The following PURG variants were observed in gnomAD, a reference collection of about 807,000 sequenced individuals.
PURG encodes the protein purine-rich element-binding protein gamma.
Under a neutral mutation model 24.3 loss-of-function variants are expected in PURG, and 3 were observed. That is an observed-to-expected ratio of 0.12 (90% CI 0.06 to 0.32). The LOEUF (loss-of-function observed/expected upper bound fraction) is 0.32, where lower values mean the gene tolerates loss of function less well. PURG is among the 10% of genes least tolerant of loss of function. The pLI, the probability that PURG is intolerant of heterozygous loss-of-function variation, is 1.00. For synonymous variants in PURG, 180 were observed against 173.1 expected, an observed-to-expected ratio of 1.04 and a Z score of -0.31; for missense variants, 371 against 439.1, an observed-to-expected ratio of 0.84 and a Z score of 1.39.
At chr8:31,029,734 G>T (rs572336054), downstream of PURG, among the ~76,000 whole-genome samples, 7 of 151,884 alleles carry the variant, frequency 4.6e-5, no homozygotes, top group Admixed American at 1.3e-4. Flanking sequence ...TAGGCACTAT[G>T]ATGGGCAGCA....
intron 1 of PURG, among the ~76,000 whole-genome samples, chr8:31,025,382 A>G (rs1811071467): frequency 1.3e-5 from 2 of 151,996 alleles, no homozygotes; most frequent in Admixed American, 6.6e-5. Flanking sequence ...AGAGGATCTT[A>G]TCTTTTAACA....
chr8:31,014,154 A>T (rs1321541704), intron 1 of PURG, among the ~76,000 whole-genome samples: 1 of 152,230 alleles, frequency 6.6e-6, no homozygotes, highest in African/African-American at 2.4e-5. Context: ...CAATACAAAT[A>T]GCATTTTTCT....
downstream of PURG, chr8:31,030,818 A>G (rs1343079464): frequency 6.6e-6 from 1 of 152,070 alleles, no homozygotes; most frequent in Non-Finnish European, 1.5e-5. Flanking sequence ...CTTCTGAAAG[A>G]GTGTTAAAGA....
chr8:31,000,070 A>T (rs1810508284), intron 1 of PURG, among the ~76,000 whole-genome samples: 1 of 152,136 alleles, frequency 6.6e-6, no homozygotes, highest in Non-Finnish European at 1.5e-5. Context: ...CAATATATGT[A>T]ACAATCAAAT....
chr8:31,009,884 C>T (rs1585357114), intron 1 of PURG, among the ~76,000 whole-genome samples: 1 of 152,050 alleles, frequency 6.6e-6, no homozygotes, highest in African/African-American at 2.4e-5. Flanking sequence ...TGTTCATAAG[C>T]ATGTAGAGGG....
chr8:31,029,368 C>G (rs150352796), downstream of PURG, among the ~76,000 whole-genome samples: 852 of 151,800 alleles, frequency 5.6e-3, 7 homozygotes, highest in Middle Eastern at 0.014. Flanking sequence ...GGCTGCTTAA[C>G]TAATTCTTTA....
chr8:31,017,682 T>A (rs533920321), intron 1 of PURG, among the ~76,000 whole-genome samples: 6 of 152,282 alleles, frequency 3.9e-5, no homozygotes, highest in Non-Finnish European at 8.8e-5. Flanking sequence ...GAGTTTCATA[T>A]GAATTCACTA....
intron 1 of PURG, among the ~76,000 whole-genome samples, chr8:31,017,728 T>C (rs1040952670): frequency 2.6e-5 from 4 of 152,210 alleles, no homozygotes; most frequent in African/African-American, 9.6e-5. Context: ...TTTGTAGCAA[T>C]AATGAACTTA....
chr8:31,003,876 G>C (rs534438177), intron 1 of PURG, among the ~76,000 whole-genome samples: 1 of 152,328 alleles, frequency 6.6e-6, no homozygotes, highest in African/African-American at 2.4e-5. Context: ...TGCTCCTGCA[G>C]CTCCTTATTT....
At chr8:30,997,549 A>C (rs1810452451) in intron 1 of PURG, among the ~76,000 whole-genome samples, 1 of 151,788 alleles carries the variant, frequency 6.6e-6, no homozygotes. Context: ...AACTGCACGT[A>C]CATTTAGTAA....
chr8:31,026,136 A>G (rs1461435981), downstream of PURG, among the ~76,000 whole-genome samples: 1 of 151,952 alleles, frequency 6.6e-6, no homozygotes, highest in Non-Finnish European at 1.5e-5. Context: ...ATTTGCTCTT[A>G]TAAGGGCAAG....
At position 31,031,888 on chromosome 8, in the gene PURG, T is replaced by C; in HGVS notation, c.895A>G (p.Thr299Ala). The C allele has an allele frequency of 6.2e-7, 1 of 1,613,992 alleles. No individual in the cohort carries two copies. Among genetic ancestry groups the C allele is most frequent in the Non-Finnish European group, 8.5e-7 (1 of 1,179,940 alleles). The change falls in exon 2 of 2, where the codon ACT becomes GCT. Residue 299 changes from threonine to alanine, a missense_variant. Transcript: ENST00000523392. The stretch of plus-strand genomic sequence containing the variant: ...CAAGCTTTGAATGGAACAGTAATAG[T>C]ATTACGGTAAGGTGGTCTCACCTCA... ...VSEVRPPYRN[T>A]ITVPFKAWTR...
chr8:31,017,056 A>G (rs762959423), intron 1 of PURG, among the ~76,000 whole-genome samples: 5 of 152,226 alleles, frequency 3.3e-5, no homozygotes, highest in African/African-American at 4.8e-5. Flanking sequence ...CAGGTGAGTC[A>G]CATGGTAGTT....
At chr8:31,011,504 A>T (rs1407433777) in intron 1 of PURG, among the ~76,000 whole-genome samples, 2 of 152,234 alleles carry the variant, frequency 1.3e-5, no homozygotes, top group African/African-American at 4.8e-5. Context: ...ATATATTTTG[A>T]GCACTATGAC....
intron 1 of PURG, among the ~76,000 whole-genome samples, chr8:31,012,781 T>G (rs934029498): frequency 6.6e-6 from 1 of 152,160 alleles, no homozygotes; most frequent in Non-Finnish European, 1.5e-5. Flanking sequence ...GTGCATCATC[T>G]CCATATCACA....
chr8:31,027,183 C>T (rs958646989), downstream of PURG, among the ~76,000 whole-genome samples: 7 of 151,716 alleles, frequency 4.6e-5, no homozygotes, highest in African/African-American at 1.7e-4. Context: ...AGATCCTTTT[C>T]AGGCCGTGAT....
At chr8:31,015,107 T>C (rs1810834836) in intron 1 of PURG, among the ~76,000 whole-genome samples, 1 of 152,208 alleles carries the variant, frequency 6.6e-6, no homozygotes, top group African/African-American at 2.4e-5. Context: ...AACATATTGC[T>C]TATTTTAAAG....
In PURG at chr8:31,032,886, AC is replaced by A; in HGVS notation, c.-6-99del. The stretch of plus-strand genomic sequence containing the variant: ...CCTGACCGCCCCGCCGCCGCCCGCG[AC>A]CCCCACGCCGGGCCCGGCTCCCCCG... On this transcript the variant is annotated intron_variant, in intron 1 of 1. Transcript: ENST00000523392. The surrounding 1 kb of genome is among the most constrained non-coding windows in gnomAD (Gnocchi z 5.9). The A allele has an allele frequency of 1.0e-6, 1 of 973,216 alleles. No individual in the cohort carries two copies. The highest frequency in any genetic ancestry group is 1.3e-6 in the Non-Finnish European group (1 of 764,702). 60.3% of individuals were successfully genotyped at this position (973,216 alleles called of 1,614,324 possible). A position where few individuals can be genotyped will look rare whatever the true frequency, so the allele number is the denominator to read the frequency against.
chr8:31,029,830 T>G (rs745325114), downstream of PURG, among the ~76,000 whole-genome samples: 1 of 151,922 alleles, frequency 6.6e-6, no homozygotes, highest in Non-Finnish European at 1.5e-5. Flanking sequence ...ACATAGTTAT[T>G]TTACAGTTAG....
Sources: allele counts gnomAD v4.1 joint callset (sites outside exome capture counted in the v4.1 genomes callset), GRCh38; gene constraint gnomAD v4.1.1; non-coding constraint Gnocchi (gnomAD v3.1); transcripts MANE v1.5; gene names NCBI Gene and HGNC (gene_info 2026-07-23, HGNC 2026-07-21).